GPC1: variants seen among roughly 807,000 people sequenced by gnomAD.
GPC1 encodes glypican 1, also known as glypican-1.
Under a neutral mutation model 51.5 loss-of-function variants are expected in GPC1, and 26 were observed. The ratio of observed to expected loss-of-function variants is 0.50; its 90% CI spans 0.37 to 0.70. The LOEUF (loss-of-function observed/expected upper bound fraction) is 0.70. Among genes scored for constraint, GPC1 ranks in the 30% least tolerant of loss-of-function variants. GPC1 has a pLI of 0.00. For missense variants in GPC1, 775 were observed against 800.5 expected (o/e 0.97, Z 0.38); for synonymous variants, 380 against 348.3 (o/e 1.09, Z -1.01).
At chr2:240,460,099 C>A (rs1166084166) in intron 2 of GPC1, among the ~76,000 whole-genome samples, 1 of 152,074 alleles carries the variant, frequency 6.6e-6, no homozygotes. Context: ...GCTGTGGCCT[C>A]CCAGGCTCCC....
intron 1 of GPC1, among the ~76,000 whole-genome samples, chr2:240,447,123 C>T (rs915998987): frequency 2.6e-5 from 4 of 152,054 alleles, no homozygotes; most frequent in Admixed American, 6.5e-5. Context: ...CAGGCAGAGA[C>T]GGGGCTGGGG....
At chr2:240,462,685 C>A in intron 3 of GPC1, 103 bp downstream of exon 3, 2 of 1,085,470 alleles carry the variant, frequency 1.8e-6, no homozygotes, top group Non-Finnish European at 1.3e-6. Flanking sequence ...CCCTGGGCCT[C>A]TGGGCCAGCC....
intron 1 of GPC1, among the ~76,000 whole-genome samples, chr2:240,453,435 C>T (rs1206276699): frequency 9.7e-6 from 1 of 102,896 alleles, no homozygotes; most frequent in Non-Finnish European, 2.0e-5. Context: ...GCCCGCCCCG[C>T]TCCCTCCGCC....
chr2:240,443,015 T>C (rs1361525150), intron 1 of GPC1, among the ~76,000 whole-genome samples: 1 of 152,228 alleles, frequency 6.6e-6, no homozygotes, highest in African/African-American at 2.4e-5. Context: ...ACTGGGTCCT[T>C]GGCCAGCCCC....
In GPC1 at chr2:240,462,198, C is replaced by T. The variant is rs1224136414; in HGVS notation, c.333C>T (p.Phe111=). The T allele has an allele frequency of 6.3e-7, 1 of 1,593,714 alleles. No homozygotes were observed. The highest frequency in any genetic ancestry group is 1.1e-5 in the South Asian group (1 of 88,994). ...CCCCCTCCCTGTGCGCAGACCACTT[C>T]CAGCACCTGCTGAACGACTCGGAGC... The part of the protein sequence containing the change: ...ATQLRSFDDH[F]QHLLNDSERT... Residue 111 remains phenylalanine, a synonymous_variant, in exon 3 of 9, where the codon TTC becomes TTT. Coordinates refer to ENST00000264039, the MANE Select transcript of GPC1 (RefSeq NM_002081.3).
At chr2:240,461,942 C>T (rs529639157) in intron 2 of GPC1, among the ~76,000 whole-genome samples, 13 of 152,190 alleles carry the variant, frequency 8.5e-5, no homozygotes, top group African/African-American at 2.9e-4. Context: ...ACTGGAGCCC[C>T]AGTCAGAGGC....
intron 3 of GPC1, among the ~76,000 whole-genome samples, chr2:240,462,810 C>T (rs2074228187): frequency 6.6e-6 from 1 of 152,106 alleles, no homozygotes; most frequent in Admixed American, 6.5e-5. Flanking sequence ...TGGGCTGGCC[C>T]ATCCCTGCCC....
Position 240,436,030 on chromosome 2 carries a change from A to G in GPC1, c.112A>G (p.Ile38Val), listed in dbSNP as rs1014843873. 1.7e-5 allele frequency: 23 copies of G among 1,385,576 alleles called. No individual in the cohort carries two copies. Among genetic ancestry groups the G allele is most frequent in the Middle Eastern group, 2.7e-4 (1 of 3,708 alleles). The allele number at this position is 1,385,576 out of a possible 1,614,324, so 85.8% of individuals were successfully genotyped here. The change falls in exon 1 of 9, where the codon ATC (isoleucine) becomes GTC (valine). Residue 38 changes from isoleucine to valine, a missense_variant. Coordinates refer to ENST00000264039, the MANE Select transcript of GPC1 (RefSeq NM_002081.3). ...CCGGAGCTGCGGCGAGGTCCGCCAG[A>G]TCTACGGAGCCAAGGGCTTCAGCCT... ...KSRSCGEVRQ[I>V]YGAKGFSLSD...
In GPC1 at chr2:240,466,265, CA is replaced by C; in HGVS notation, c.1653del (p.Val552Ter). 6.2e-7 allele frequency: 1 copy of C among 1,604,982 alleles called. No individual in the cohort carries two copies. The highest frequency in any genetic ancestry group is 1.1e-5 in the South Asian group (1 of 90,910). On this transcript the variant is annotated frameshift_variant, in exon 9 of 9. Transcript: ENST00000264039. LOFTEE classifies it high-confidence loss of function. ...LLPLLLFLAL[T>X]VARPRWR ...CCCCTCCTCCTCTTCCTGGCCCTTA[CA>C]GTAGCCAGGCCCCGGTGGCGGTAAC...
At position 240,463,882 on chromosome 2, in the gene GPC1, C is replaced by T. The variant is rs187789286; in HGVS notation, c.883+370C>T. 138 of 289,440 alleles carry T rather than the reference C, an allele frequency of 4.8e-4. 2 individuals are homozygous for T. Among genetic ancestry groups the T allele is most frequent in the African/African-American group, 2.8e-3 (128 of 46,242 alleles). 17.9% of individuals were successfully genotyped at this position (289,440 alleles called of 1,614,324 possible). On this transcript the variant is annotated intron_variant, in intron 4 of 8. Transcript: ENST00000264039. ...CACATGACAGGCTGACACATGCGAA[C>T]TGGCGTGCTCACTTGCTGACACACA...
chr2:240,448,409 CAGTCCCTGCCAGGCAGTCCGGGTGTAGAT>C lies in GPC1; in HGVS notation c.167-10607_167-10579del, dbSNP rs1559195848. On this transcript the variant is annotated intron_variant, in intron 1 of 8. Transcript: ENST00000264039. This position sits in a 1 kb window ranked among gnomAD's most constrained non-coding sequence, Gnocchi z 4.5. ...CCCTGCCAGGCAGTCCAGGTGTAGA[CAGTCCCTGCCAGGCAGTCCGGGTGTAGAT>C]AGTCCCTGCCAGGAAGTCTGGGTGT... is the stretch of plus-strand genomic sequence containing the variant. 3.2e-5 allele frequency among the ~76,000 whole-genome samples: 4 copies of C among 126,086 alleles called. No individual in the cohort carries two copies. The highest frequency in any genetic ancestry group is 5.7e-5 in the Non-Finnish European group (3 of 52,776). The allele number at this position is 126,086 out of a possible 152,430, so 82.7% of individuals were successfully genotyped here.
chr2:240,460,712 C>T (rs1001761671), intron 2 of GPC1, among the ~76,000 whole-genome samples: 8 of 152,164 alleles, frequency 5.3e-5, no homozygotes, highest in African/African-American at 1.7e-4. Flanking sequence ...ACACAGACAC[C>T]CTTTGGGGAC....
chr2:240,456,733 C>T lies in GPC1; in HGVS notation c.167-2297C>T, dbSNP rs962342692. On this transcript the variant is annotated intron_variant, in intron 1 of 8. Transcript: ENST00000264039. ...CTGGCACAGGCCCCAGGAAAGGACC[C>T]GGAGGGGCGGTTCCTGCTCTAAATC... 1.9e-4 allele frequency: 81 copies of T among 421,776 alleles called. 2 individuals are homozygous for T. In the Admixed American group the frequency reaches 2.1e-3, roughly 11 times the overall value. The allele number at this position is 421,776 out of a possible 1,614,324, so 26.1% of individuals were successfully genotyped here. A position where few individuals can be genotyped will look rare whatever the true frequency, so the allele number is the denominator to read the frequency against.
chr2:240,454,352 CCT>C (rs1458745332), intron 1 of GPC1, among the ~76,000 whole-genome samples: 1 of 152,150 alleles, frequency 6.6e-6, no homozygotes, highest in Non-Finnish European at 1.5e-5. Flanking sequence ...TCCAGTGCAC[CCT>C]CACCCCAGGA....
At chr2:240,454,505 G>A (rs12997581) in intron 1 of GPC1, among the ~76,000 whole-genome samples, 12,797 of 152,326 alleles carry the variant, frequency 0.084, 727 homozygotes, top group Non-Finnish European at 0.12. Flanking sequence ...CAGCCAGGAA[G>A]GCCCCGTTGC....
Position 240,436,104 on chromosome 2 carries a change from CG to C in GPC1, c.166+23del. The stretch of plus-strand genomic sequence containing the variant: ...TCTCGGGTGAGTGAGGGCGCGGCGC[CG>C]GGAACCCGGGCCTGGCCGGGCTTTG... On this transcript the variant is annotated intron_variant, in intron 1 of 8. Transcript: ENST00000264039. The C allele has an allele frequency of 7.9e-7, 1 of 1,266,294 alleles. No homozygotes were observed. The highest frequency in any genetic ancestry group is 3.2e-5 in the South Asian group (1 of 31,068). The allele number at this position is 1,266,294 out of a possible 1,614,324, so 78.4% of individuals were successfully genotyped here.
intron 1 of GPC1, among the ~76,000 whole-genome samples, chr2:240,445,824 T>C (rs116254678): frequency 1.3e-5 from 2 of 152,190 alleles, no homozygotes; most frequent in Non-Finnish European, 2.9e-5. Context: ...AGCAGACAGC[T>C]TGGAAAACGG....
At chr2:240,446,605 G>A (rs1030245855) in intron 1 of GPC1, among the ~76,000 whole-genome samples, 2 of 152,208 alleles carry the variant, frequency 1.3e-5, no homozygotes, top group African/African-American at 4.8e-5. Flanking sequence ...GCTCCCAAGT[G>A]CAGTTTGGCC....
At chr2:240,447,147 G>A (rs1286438089) in intron 1 of GPC1, among the ~76,000 whole-genome samples, 1 of 152,108 alleles carries the variant, frequency 6.6e-6, no homozygotes, top group African/African-American at 2.4e-5. Flanking sequence ...TGGTAGGCAG[G>A]GTCTGAGGGC....
Sources: allele counts gnomAD v4.1 joint callset (sites outside exome capture counted in the v4.1 genomes callset), GRCh38; gene constraint gnomAD v4.1.1; non-coding constraint Gnocchi (gnomAD v3.1); transcripts MANE v1.5; gene names NCBI Gene and HGNC (gene_info 2026-07-23, HGNC 2026-07-21).